The following DNAAF11 variants were observed in gnomAD, a reference collection of about 807,000 sequenced individuals.
DNAAF11 encodes the protein leucine rich repeat containing 6.
DNAAF11 carries 45 observed loss-of-function variants against 60.8 expected under a neutral mutation model. The ratio of observed to expected loss-of-function variants is 0.74; its 90% confidence interval spans 0.58 to 0.95. The LOEUF is 0.95. Ranked by LOEUF, DNAAF11 falls within the 40% of genes least tolerant of loss-of-function variation. The pLI is 0.00. For missense variants in DNAAF11, 546 were observed against 546.2 expected (o/e 1.00, Z 0.00); for synonymous variants, 191 against 183.5 (o/e 1.04, Z -0.33).
chr8:132,592,134 T>C (rs955188761), intron 10 of DNAAF11, among the ~76,000 whole-genome samples: 7 of 152,220 alleles, frequency 4.6e-5, no homozygotes, highest in Admixed American at 3.3e-4. Flanking sequence ...AGGTATTTTT[T>C]TGAGTTCTTA....
intron 7 of DNAAF11, among the ~76,000 whole-genome samples, chr8:132,620,455 C>A (rs1013793266): frequency 6.6e-6 from 1 of 152,192 alleles, no homozygotes; most frequent in Non-Finnish European, 1.5e-5. Flanking sequence ...GTGTCCCAGC[C>A]TTCCGAGTGG....
chr8:132,576,184 T>A (rs1301678503), intron 11 of DNAAF11, among the ~76,000 whole-genome samples: 2 of 152,230 alleles, frequency 1.3e-5, no homozygotes, highest in Non-Finnish European at 2.9e-5. Flanking sequence ...CACTACTCCT[T>A]GTTACTGCCC....
At chr8:132,700,974 G>T in the DNAAF11 span, among the ~76,000 whole-genome samples, 1 of 152,206 alleles carries the variant, frequency 6.6e-6, no homozygotes, top group African/African-American at 2.4e-5. Flanking sequence ...AATGTGAGAA[G>T]TTCAAGATCG....
intron 10 of DNAAF11, among the ~76,000 whole-genome samples, chr8:132,596,738 G>A (rs1817052694): frequency 6.6e-6 from 1 of 152,134 alleles, no homozygotes; most frequent in Non-Finnish European, 1.5e-5. Flanking sequence ...CACTGCCTAG[G>A]AGAAAGCTTC....
chr8:132,597,681 A>C (rs1817163541), intron 10 of DNAAF11, among the ~76,000 whole-genome samples: 1 of 152,164 alleles, frequency 6.6e-6, no homozygotes, highest in Non-Finnish European at 1.5e-5. Context: ...CTTCTCTATA[A>C]CCTTGAAGAA....
chr8:132,638,179 T>C, intron 3 of DNAAF11, 72 bp from the exon 4 acceptor site: 3 of 1,131,916 alleles, frequency 2.7e-6, no homozygotes, highest in Non-Finnish European at 4.0e-6. Context: ...GTGTGTAACA[T>C]CACATAACAG....
rs1815589242 is a variant in DNAAF11 at position 132,583,781 on chromosome 8, T to C, written c.1141-2A>G. 3.1e-6 allele frequency: 5 copies of C among 1,609,114 alleles called. No individual in the cohort carries two copies. The South Asian group carries it at 5.5e-5, about 18-fold the overall frequency. On this transcript the variant is annotated splice_acceptor_variant, in intron 10 of 11. Transcript: ENST00000620350. LOFTEE classifies it high-confidence loss of function. ...ACCACCTGTGATTACTTCTCCTACC[T>C]AAAATAAAAATGAAACACACACCAA...
chr8:132,646,615 T>A (rs1330144989), intron 3 of DNAAF11, among the ~76,000 whole-genome samples: 3 of 152,066 alleles, frequency 2.0e-5, no homozygotes, highest in South Asian at 2.1e-4. Flanking sequence ...AGACACACAT[T>A]GGCTCAAAAT....
intron 7 of DNAAF11, 61 bp from the exon 8 acceptor site, chr8:132,615,158 C>G: frequency 1.0e-6 from 1 of 963,998 alleles, no homozygotes; most frequent in East Asian, 2.4e-5. Context: ...ATAGAAAACC[C>G]CATCATAAAT....
Position 132,601,940 on chromosome 8 carries a change from T to C in DNAAF11, c.1140+8226A>G, listed in dbSNP as rs376768801. Among the ~76,000 whole-genome samples the C allele has an allele frequency of 2.4e-4, 36 of 151,840 alleles. No individual in the cohort carries two copies. In the East Asian group the frequency reaches 4.3e-3, roughly 18 times the overall value. ...GTATAATAATAATAATAATAAACTA[T>C]CTCTGCTAAATTCTTCCTTTATTCT... is the stretch of plus-strand genomic sequence containing the variant. On this transcript the variant is annotated intron_variant, in intron 10 of 11. Transcript: ENST00000620350.
At chr8:132,682,162 G>T in the DNAAF11 span, among the ~76,000 whole-genome samples, 2 of 152,300 alleles carry the variant, frequency 1.3e-5, no homozygotes, top group South Asian at 4.1e-4. Context: ...GACCAATAGA[G>T]TACAAGGGAA....
At chr8:132,642,442 A>C (rs13267572) in intron 3 of DNAAF11, among the ~76,000 whole-genome samples, 3 of 152,172 alleles carry the variant, frequency 2.0e-5, no homozygotes, top group Admixed American at 6.5e-5. Flanking sequence ...TGGCCCCAGG[A>C]ACTTGCCTGA....
At chr8:132,605,425 G>T (rs188063948) in intron 10 of DNAAF11, among the ~76,000 whole-genome samples, 1 of 152,234 alleles carries the variant, frequency 6.6e-6, no homozygotes, top group Admixed American at 6.5e-5. Context: ...TAGTTGAGAG[G>T]GAGAGTAGTT....
chr8:132,595,458 T>C (rs1049875146), intron 10 of DNAAF11, among the ~76,000 whole-genome samples: 5 of 151,078 alleles, frequency 3.3e-5, no homozygotes, highest in African/African-American at 1.2e-4. Flanking sequence ...CACAGCCTTC[T>C]GGGCCACAAC....
chr8:132,658,353 C>T (rs1823784157), intron 2 of DNAAF11, among the ~76,000 whole-genome samples: 1 of 152,146 alleles, frequency 6.6e-6, no homozygotes, highest in South Asian at 2.1e-4. Flanking sequence ...GACAGAGTCT[C>T]ACTCTGTTGC....
intron 1 of DNAAF11, among the ~76,000 whole-genome samples, chr8:132,664,758 A>T (rs1461474463): frequency 2.0e-5 from 3 of 151,898 alleles, no homozygotes; most frequent in Non-Finnish European, 4.4e-5. Flanking sequence ...AGCCACTGCG[A>T]CCAACCAAGA....
the DNAAF11 span, among the ~76,000 whole-genome samples, chr8:132,702,640 T>G: frequency 4.6e-5 from 7 of 152,224 alleles, no homozygotes. Context: ...GATCTAGCAC[T>G]GTTTTAAGTG....
chr8:132,654,698 CAA>C (rs34749688), intron 3 of DNAAF11, among the ~76,000 whole-genome samples: 2,420 of 134,008 alleles, frequency 0.018, 78 homozygotes, highest in African/African-American at 0.062. Context: ...AAAAAAATTG[CAA>C]AAAAAAAAAA....
the DNAAF11 span, among the ~76,000 whole-genome samples, chr8:132,687,917 T>C: frequency 1.4e-4 from 21 of 152,184 alleles, no homozygotes; most frequent in Non-Finnish European, 2.4e-4. Context: ...TAGATACAAA[T>C]CATATAGGAC....
Sources: allele counts gnomAD v4.1 joint callset (sites outside exome capture counted in the v4.1 genomes callset), GRCh38; gene constraint gnomAD v4.1.1; transcripts MANE v1.5; gene names NCBI Gene and HGNC (gene_info 2026-07-23, HGNC 2026-07-21).